The following DNAH17 variants were observed in gnomAD, a reference collection of about 807,000 sequenced individuals.
DNAH17 encodes axonemal beta dynein heavy chain 17.
In DNAH17, 376 loss-of-function variants were observed where a neutral mutation model predicts 485.6. The ratio of observed to expected loss-of-function variants is 0.77; its 90% CI spans 0.71 to 0.84. The LOEUF (loss-of-function observed/expected upper bound fraction) is 0.84. DNAH17 is among the 40% of genes least tolerant of loss of function. The pLI is 0.00. For synonymous variants in DNAH17, 3,031 were observed against 2,405.9 expected, an observed-to-expected ratio of 1.26 and a Z score of -7.60; for missense variants, 6,370 against 5,839.3, an observed-to-expected ratio of 1.09 and a Z score of -2.96.
chr17:78,491,648 T>C, intron 42 of DNAH17, 78 bp from the exon 43 acceptor site: 2 of 1,524,242 alleles, frequency 1.3e-6, no homozygotes, highest in Admixed American at 2.0e-5. Flanking sequence ...GACCCTGGCC[T>C]CTCTCTCTGG....
At position 78,543,974 on chromosome 17, in the gene DNAH17, A is replaced by C. The variant is rs1036159905; in HGVS notation, c.2415T>G (p.Phe805Leu). 4 of 1,613,864 alleles carry C rather than the reference A, an allele frequency of 2.5e-6. No homozygotes were observed. The highest frequency in any genetic ancestry group is 2.7e-5 in the African/African-American group (2 of 74,916). Residue 805 changes from phenylalanine (F) to leucine (L), a missense_variant, in exon 17 of 81, where the codon TTT becomes TTG. Physicochemically the swap from Phe to Leu is conservative, Grantham distance 22. Coordinates refer to ENST00000389840, the MANE Select transcript of DNAH17 (RefSeq NM_173628.4). ...CCTCTTTCTTATTGTCCTTTCTTTCAAACAGCGGGTTGGCCGACCAGTCCT... is the reference window on the plus strand; with the variant it reads ...CCTCTTTCTTATTGTCCTTTCTTTCCAACAGCGGGTTGGCCGACCAGTCCT... ...AMKDWSANPL[F>L]ERKDNKKEAL... is the part of the protein sequence containing the mutation.
At chr17:78,531,874 TTC>T (rs768972060) in intron 20 of DNAH17, among the ~76,000 whole-genome samples, 3 of 152,246 alleles carry the variant, frequency 2.0e-5, no homozygotes, top group Non-Finnish European at 2.9e-5. Flanking sequence ...AGGTGTGATT[TTC>T]TGTGTTCTTC....
chr17:78,427,417 T>C (rs1448640966), intron 77 of DNAH17, among the ~76,000 whole-genome samples: 4 of 152,206 alleles, frequency 2.6e-5, no homozygotes, highest in Non-Finnish European at 5.9e-5. Flanking sequence ...TGGTCAAATG[T>C]AGCCAGCGGT....
At chr17:78,551,988 AG>A (rs2091912718) in intron 15 of DNAH17, among the ~76,000 whole-genome samples, 1 of 151,604 alleles carries the variant, frequency 6.6e-6, no homozygotes, top group Non-Finnish European at 1.5e-5. Flanking sequence ...AAAATTCAGC[AG>A]GATGAAAACT....
rs780210147 is a variant in DNAH17 at position 78,551,520 on chromosome 17, C to T, written c.2391+15G>A. On this transcript the variant is annotated intron_variant, in intron 16 of 80. Transcript: ENST00000389840. ...CCCCCACAAAGCCCCACTCTGTGCT[C>T]TGCCCCTTGCTTACCTTCATAGCCT... 6.2e-7 allele frequency: 1 copy of T among 1,612,510 alleles called. No homozygotes were observed. Among genetic ancestry groups the T allele is most frequent in the East Asian group, 2.2e-5 (1 of 44,890 alleles).
At chr17:78,447,230 T>A (rs1326233344) in intron 69 of DNAH17, among the ~76,000 whole-genome samples, 2 of 152,220 alleles carry the variant, frequency 1.3e-5, no homozygotes, top group African/African-American at 2.4e-5. Context: ...CCCGGCCTCA[T>A]CTGGCTTTTG....
chr17:78,449,953 G>A (rs1249955317), intron 68 of DNAH17: 2 of 483,482 alleles, frequency 4.1e-6, no homozygotes, highest in African/African-American at 1.9e-5. Flanking sequence ...TGAGATGACA[G>A]GCATGAGCCA....
At chr17:78,507,411 C>T (rs372576995) in intron 28 of DNAH17, 42 bp from the exon 29 acceptor site, 4 of 1,613,770 alleles carry the variant, frequency 2.5e-6, no homozygotes, top group Non-Finnish European at 3.4e-6. Context: ...GGGATCGCCA[C>T]ACACAGTCAT....
intron 31 of DNAH17, among the ~76,000 whole-genome samples, chr17:78,504,801 G>C (rs954235636): frequency 1.3e-5 from 2 of 152,012 alleles, no homozygotes; most frequent in South Asian, 2.1e-4. Flanking sequence ...TTTCAGACAG[G>C]TGATGGGAAT....
intron 47 of DNAH17, among the ~76,000 whole-genome samples, chr17:78,485,343 G>T (rs1030840116): frequency 2.0e-5 from 3 of 152,106 alleles, no homozygotes; most frequent in African/African-American, 7.2e-5. Context: ...CCATCACCAT[G>T]CCCACAAGGG....
chr17:78,568,828 G>T lies in DNAH17; in HGVS notation c.1284+338C>A, dbSNP rs1021961794. ...GGTGCTTGCACGGGGGCCTTCATAA[G>T]TCTCCATTTGTAATAATTGAGTCCC... On this transcript the variant is annotated intron_variant, in intron 9 of 80. Transcript: ENST00000389840. Among the ~76,000 whole-genome samples the T allele has an allele frequency of 3.0e-4, 45 of 152,200 alleles. 1 individual carries two copies. The highest frequency in any genetic ancestry group is 2.9e-3 in the Admixed American group (45 of 15,284).
intron 67 of DNAH17, 121 bp downstream of exon 67, chr17:78,450,561 C>T (rs2087503462): frequency 2.1e-6 from 3 of 1,422,540 alleles, no homozygotes; most frequent in South Asian, 1.3e-5. Flanking sequence ...GCCCTGGGCC[C>T]ACTCGGGCAC....
chr17:78,476,646 C>T lies in DNAH17; in HGVS notation c.8080G>A (p.Asp2694Asn). The T allele has an allele frequency of 6.2e-7, 1 of 1,612,518 alleles. No individual in the cohort carries two copies. Among genetic ancestry groups the T allele is most frequent in the Non-Finnish European group, 8.5e-7 (1 of 1,179,284 alleles). Residue 2694 changes from aspartate (D) to asparagine (N), a missense_variant, in exon 52 of 81, where the codon GAC becomes AAC. Asp to Asn is a conservative substitution (Grantham distance 23, BLOSUM62 1). Coordinates refer to ENST00000389840, the MANE Select transcript of DNAH17 (RefSeq NM_173628.4). Reference protein sequence around the residue: ...WLHETERVYGDKMVDEKDQET... With the variant: ...WLHETERVYGNKMVDEKDQET... ...TGGTCTTTTTCGTCAACCATTTTGT[C>T]ACCATACACTCGTTCAGTCTCATGT... is the stretch of plus-strand genomic sequence containing the variant.
At chr17:78,541,296 G>A (rs1265259548) in intron 17 of DNAH17, among the ~76,000 whole-genome samples, 1 of 90,586 alleles carries the variant, frequency 1.1e-5, no homozygotes, top group Non-Finnish European at 2.1e-5. Flanking sequence ...ATGGGTGGGT[G>A]GGGTGGGTGG....
In DNAH17 at chr17:78,444,777, C is replaced by T; in HGVS notation, c.11355G>A (p.Glu3785=). The change falls in exon 71 of 81, where the codon GAG becomes GAA. Residue 3785 remains glutamate (E), a synonymous_variant. Coordinates refer to ENST00000389840, the MANE Select transcript of DNAH17 (RefSeq NM_173628.4). ...CGATGTCACTGTCCAGATTTTTGAA[C>T]TCATCCATCTCCGAGAGGGCCTAGG... The part of the protein sequence containing the change: ...GGIKALSEMD[E]FKNLDSDIEG... The T allele has an allele frequency of 6.3e-7, 1 of 1,578,800 alleles. No homozygotes were observed. The highest frequency in any genetic ancestry group is 8.6e-7 in the Non-Finnish European group (1 of 1,165,348).
In DNAH17 at chr17:78,459,490, A is replaced by T. The variant is rs146071859; in HGVS notation, c.9654-282T>A. Among the ~76,000 whole-genome samples, 20 of 152,274 alleles carry T rather than the reference A, an allele frequency of 1.3e-4. 1 individual carries two copies. The East Asian group carries it at 3.9e-3, about 29-fold the overall frequency. ...GACGAGATGACGTGGCAGGTGTTAC[A>T]TTTTGGGGACGGTATTCGTGTGTGC... On this transcript the variant is annotated intron_variant, in intron 60 of 80. Coordinates refer to ENST00000389840, the MANE Select transcript of DNAH17 (RefSeq NM_173628.4).
At chr17:78,536,886 G>A (rs531964580) in intron 19 of DNAH17, among the ~76,000 whole-genome samples, 2 of 151,988 alleles carry the variant, frequency 1.3e-5, no homozygotes, top group South Asian at 2.1e-4. Context: ...CATTTAAAAG[G>A]TAAGCAGGGC....
chr17:78,571,507 G>T (rs2092357135), intron 4 of DNAH17, 83 bp downstream of exon 4: 2 of 1,537,036 alleles, frequency 1.3e-6, no homozygotes, highest in Non-Finnish European at 9.0e-7. Context: ...ACTCCTGGGA[G>T]GTTGGCACTG....
At chr17:78,514,519 A>AAG (rs1278609978) in intron 26 of DNAH17, among the ~76,000 whole-genome samples, 1 of 150,902 alleles carries the variant, frequency 6.6e-6, no homozygotes, top group African/African-American at 2.4e-5. Context: ...AAAAAAAAAA[A>AAG]AAAGAAAAAG....
Sources: gnomAD v4.1 joint callset for allele counts (sites outside exome capture counted in the v4.1 genomes callset) on GRCh38, gnomAD v4.1.1 for gene constraint, MANE v1.5 for transcripts, NCBI Gene and HGNC (gene_info 2026-07-23, HGNC 2026-07-21) for gene names.